Variants in CDK19 observed in about 807,000 individuals in gnomAD.
CDK19 encodes cyclin-dependent kinase 19.
CDK19 carries 20 observed loss-of-function variants against 68.3 expected under a neutral mutation model. The ratio of observed to expected loss-of-function variants is 0.29; its 90% CI spans 0.21 to 0.43. The LOEUF is 0.43. CDK19 is among the 20% of genes least tolerant of loss of function. CDK19 has a pLI of 1.00. For synonymous variants in CDK19, 221 were observed against 222.8 expected, an observed-to-expected ratio of 0.99 and a Z score of 0.07; for missense variants, 339 against 623.5, an observed-to-expected ratio of 0.54 and a Z score of 4.86.
intron 2 of CDK19, among the ~76,000 whole-genome samples, chr6:110,719,844 C>A (rs926010787): frequency 3.9e-5 from 6 of 152,096 alleles, no homozygotes; most frequent in African/African-American, 1.2e-4. Context: ...GATTCTCCTG[C>A]CTCAGACTCC....
At chr6:110,752,923 T>G (rs999188154) in intron 1 of CDK19, among the ~76,000 whole-genome samples, 2 of 151,946 alleles carry the variant, frequency 1.3e-5, no homozygotes, top group Admixed American at 6.6e-5. Flanking sequence ...TTGTTTTTGG[T>G]TTTTTATTTG....
At position 110,636,670 on chromosome 6, in the gene CDK19, A is replaced by T. The variant is rs114244547; in HGVS notation, c.514+1979T>A. On this transcript the variant is annotated intron_variant, in intron 5 of 12. Coordinates refer to ENST00000368911, the MANE Select transcript of CDK19 (RefSeq NM_015076.5). ...TGGAATTAGAGGCCAGGTTATAACA[A>T]ATTAGAGTAAGTGGAACCAAAGAGT... Among the ~76,000 whole-genome samples the T allele has an allele frequency of 2.9e-3, 448 of 152,344 alleles. 5 individuals carry two copies. The highest frequency in any genetic ancestry group is 0.01 in the African/African-American group (431 of 41,566).
chr6:110,655,581 A>G (rs985993603), intron 4 of CDK19, among the ~76,000 whole-genome samples: 16 of 152,120 alleles, frequency 1.1e-4, no homozygotes, highest in Non-Finnish European at 4.4e-5. Flanking sequence ...CACAAAGTCA[A>G]CAAAAGCAGA....
chr6:110,724,563 T>C (rs947092527), intron 2 of CDK19, among the ~76,000 whole-genome samples: 9 of 152,160 alleles, frequency 5.9e-5, no homozygotes, highest in Non-Finnish European at 1.2e-4. Context: ...TCCAGTGGCT[T>C]TGTTTAGGAT....
At chr6:110,671,283 T>A (rs1184559809) in intron 2 of CDK19, among the ~76,000 whole-genome samples, 2 of 152,210 alleles carry the variant, frequency 1.3e-5, no homozygotes, top group Non-Finnish European at 2.9e-5. Context: ...AGCTGTTTGA[T>A]AAAATATTTA....
At chr6:110,646,067 G>A in intron 4 of CDK19, 1 of 865,816 alleles carries the variant, frequency 1.2e-6, no homozygotes, top group South Asian at 1.4e-5. Context: ...TGCCAGGCAT[G>A]GGCGACCTGC....
chr6:110,748,376 C>A (rs1030193909), intron 1 of CDK19, among the ~76,000 whole-genome samples: 1 of 152,116 alleles, frequency 6.6e-6, no homozygotes, highest in African/African-American at 2.4e-5. Context: ...ATTATGTGGA[C>A]AGGAACAAGG....
At chr6:110,806,074 T>C (rs188519833) in intron 1 of CDK19, among the ~76,000 whole-genome samples, 168 of 152,246 alleles carry the variant, frequency 1.1e-3, no homozygotes, top group African/African-American at 3.9e-3. Flanking sequence ...GTGCAGTGGC[T>C]GACGCTTGTA....
intron 3 of CDK19, among the ~76,000 whole-genome samples, chr6:110,668,614 C>A (rs1209202159): frequency 6.6e-6 from 1 of 152,096 alleles, no homozygotes; most frequent in Admixed American, 6.5e-5. Context: ...AGGTGGATCA[C>A]CTGAGGTGAG....
chr6:110,647,854 CTCATG>C lies in CDK19; in HGVS notation c.457-9153_457-9149del, dbSNP rs1224688069. Among the ~76,000 whole-genome samples, 11 of 152,274 alleles carry C rather than the reference CTCATG, an allele frequency of 7.2e-5. No homozygotes were observed. In the South Asian group the frequency reaches 2.3e-3, roughly 32 times the overall value. ...AAAGAAAAACTTCAGGCCAACCTTA[CTCATG>C]AATATAGTTGTAAAAATATTAAACA... On this transcript the variant is annotated intron_variant, in intron 4 of 12. Coordinates refer to ENST00000368911, the MANE Select transcript of CDK19 (RefSeq NM_015076.5).
chr6:110,767,576 G>A (rs1048634992), intron 1 of CDK19, among the ~76,000 whole-genome samples: 26 of 143,672 alleles, frequency 1.8e-4, no homozygotes, highest in African/African-American at 6.3e-4. Context: ...GGCTGGTCTC[G>A]AACTCCTGAC....
chr6:110,740,913 C>G (rs1777612678), intron 2 of CDK19, among the ~76,000 whole-genome samples: 1 of 152,098 alleles, frequency 6.6e-6, no homozygotes, highest in South Asian at 2.1e-4. Context: ...CTTCCACCAC[C>G]AGGAAAACTA....
chr6:110,788,426 G>C (rs981907039), intron 1 of CDK19, among the ~76,000 whole-genome samples: 1 of 152,024 alleles, frequency 6.6e-6, no homozygotes, highest in African/African-American at 2.4e-5. Context: ...CCTAAGTGCT[G>C]GGATTCTAGG....
chr6:110,803,805 A>G (rs776669542), intron 1 of CDK19, among the ~76,000 whole-genome samples: 2 of 152,180 alleles, frequency 1.3e-5, no homozygotes, highest in East Asian at 3.9e-4. Flanking sequence ...CTGTCTCTAC[A>G]AGAAATGCAA....
At chr6:110,653,063 C>G (rs1291152271) in intron 4 of CDK19, among the ~76,000 whole-genome samples, 5 of 151,944 alleles carry the variant, frequency 3.3e-5, no homozygotes, top group African/African-American at 1.2e-4. Flanking sequence ...TTGCCTGTTC[C>G]CTTTAGAACA....
At chr6:110,774,716 A>C (rs1780272397) in intron 1 of CDK19, among the ~76,000 whole-genome samples, 1 of 152,176 alleles carries the variant, frequency 6.6e-6, no homozygotes, top group African/African-American at 2.4e-5. Flanking sequence ...TTGGGAAGCC[A>C]AGGCCGGTGG....
chr6:110,619,007 T>G (rs1778537728), intron 12 of CDK19, among the ~76,000 whole-genome samples: 1 of 152,210 alleles, frequency 6.6e-6, no homozygotes, highest in African/African-American at 2.4e-5. Context: ...TCAGCGAACT[T>G]TCAGAGAGTG....
intron 4 of CDK19, chr6:110,645,747 G>C: frequency 1.9e-6 from 1 of 518,516 alleles, no homozygotes; most frequent in Non-Finnish European, 3.7e-6. Context: ...TGGTGTCCAC[G>C]GTAATGCATG....
intron 8 of CDK19, among the ~76,000 whole-genome samples, chr6:110,624,850 C>A (rs757687024): frequency 1.3e-5 from 2 of 152,174 alleles, no homozygotes; most frequent in Non-Finnish European, 1.5e-5. Context: ...CTACTAGACC[C>A]TGATTGTCAT....
Sources: allele counts gnomAD v4.1 joint callset (sites outside exome capture counted in the v4.1 genomes callset), GRCh38; gene constraint gnomAD v4.1.1; transcripts MANE v1.5; gene names NCBI Gene and HGNC (gene_info 2026-07-23, HGNC 2026-07-21).